The following ALMS1 variants were observed in gnomAD, a reference collection of about 807,000 sequenced individuals.
The protein encoded by ALMS1 is centrosome-associated protein ALMS1.
A neutral mutation model predicts 352.2 loss-of-function variants in ALMS1; 271 were observed. The ratio of observed to expected loss-of-function variants is 0.77; its 90% confidence interval spans 0.70 to 0.85. The LOEUF is 0.85. Among genes scored for constraint, ALMS1 ranks in the 40% least tolerant of loss-of-function variants. The pLI is 0.00. For missense variants in ALMS1, 5,445 were observed against 4,870.7 expected, an observed-to-expected ratio of 1.12 and a Z score of -3.51; for synonymous variants, 1,865 against 1,761.2, an observed-to-expected ratio of 1.06 and a Z score of -1.48.
chr2:73,398,942 C>G (rs1670817549), intron 1 of ALMS1, among the ~76,000 whole-genome samples: 1 of 152,154 alleles, frequency 6.6e-6, no homozygotes, highest in African/African-American at 2.4e-5. Flanking sequence ...CTCCCGGGTT[C>G]AAGCGATTCT....
chr2:73,403,973 C>G (rs1337105937), intron 1 of ALMS1, among the ~76,000 whole-genome samples: 2 of 152,180 alleles, frequency 1.3e-5, no homozygotes, highest in Non-Finnish European at 2.9e-5. Context: ...GATCCCTGCT[C>G]ACTGCAACCT....
chr2:73,520,899 G>A (rs1673661496), intron 11 of ALMS1, among the ~76,000 whole-genome samples: 1 of 152,144 alleles, frequency 6.6e-6, no homozygotes, highest in Non-Finnish European at 1.5e-5. Flanking sequence ...TTCCCCAAAT[G>A]AAGATGGAGA....
chr2:73,448,734 C>T lies in ALMS1; in HGVS notation c.2207C>T (p.Thr736Ile). The T allele has an allele frequency of 6.2e-7, 1 of 1,605,484 alleles. No homozygotes were observed. The highest frequency in any genetic ancestry group is 8.5e-7 in the Non-Finnish European group (1 of 1,174,282). Residue 736 changes from threonine (T) to isoleucine (I), a missense_variant, in exon 8 of 23, where the codon ACT becomes ATT. By Grantham distance (89) the Thr-to-Ile change is moderately conservative. Transcript: ENST00000613296. ...CAAGAGTTCGCAGACAGTCATCAAA[C>T]TGAAGAGACTCTTACTAAAGTTTCA... is the stretch of plus-strand genomic sequence containing the variant. The part of the protein sequence containing the change: ...YQQEFADSHQ[T>I]EETLTKVSAT...
chr2:73,426,803 G>T (rs1671388420), intron 6 of ALMS1, among the ~76,000 whole-genome samples: 1 of 152,294 alleles, frequency 6.6e-6, no homozygotes. Flanking sequence ...ATTTTGAAAA[G>T]CCTGTAAGTT....
intron 12 of ALMS1, among the ~76,000 whole-genome samples, chr2:73,537,290 C>T (rs1347622885): frequency 1.3e-5 from 2 of 152,170 alleles, no homozygotes; most frequent in African/African-American, 2.4e-5. Context: ...CTTTGAAAGG[C>T]GCTGACATAT....
At chr2:73,398,496 T>C (rs1462393322) in intron 1 of ALMS1, among the ~76,000 whole-genome samples, 1 of 152,174 alleles carries the variant, frequency 6.6e-6, no homozygotes, top group Non-Finnish European at 1.5e-5. Context: ...TGCTGGGATT[T>C]TGATTGGGAT....
At chr2:73,411,650 ACTTC>A (rs1431637054) in intron 2 of ALMS1, among the ~76,000 whole-genome samples, 1 of 152,040 alleles carries the variant, frequency 6.6e-6, no homozygotes, top group Non-Finnish European at 1.5e-5. Flanking sequence ...TTTCTAGTTC[ACTTC>A]CTTCTTATTC....
At chr2:73,441,968 C>T (rs2103757942) in intron 7 of ALMS1, among the ~76,000 whole-genome samples, 1 of 152,200 alleles carries the variant, frequency 6.6e-6, no homozygotes, top group Admixed American at 6.5e-5. Flanking sequence ...ATTGAATAAA[C>T]TCAGGGATCT....
At chr2:73,410,069 CA>C (rs1558633883) in intron 2 of ALMS1, among the ~76,000 whole-genome samples, 1 of 152,118 alleles carries the variant, frequency 6.6e-6, no homozygotes, top group Non-Finnish European at 1.5e-5. Context: ...ACTTAGTTTC[CA>C]GATTCAAATG....
chr2:73,602,968 G>C (rs191401101), intron 20 of ALMS1, among the ~76,000 whole-genome samples: 21 of 152,280 alleles, frequency 1.4e-4, no homozygotes, highest in Non-Finnish European at 2.5e-4. Context: ...AAACTACAAA[G>C]CACTACCTAA....
intron 7 of ALMS1, among the ~76,000 whole-genome samples, chr2:73,439,873 C>T (rs933691072): frequency 2.2e-4 from 33 of 152,124 alleles, no homozygotes; most frequent in Non-Finnish European, 1.6e-4. Flanking sequence ...TCTATTATGC[C>T]TTAAGTCTGC....
intron 1 of ALMS1, among the ~76,000 whole-genome samples, chr2:73,387,616 CTTTGTGTGCTATGCCAAGGA>C (rs999335958): frequency 1.2e-4 from 18 of 152,178 alleles, no homozygotes; most frequent in African/African-American, 4.3e-4. Flanking sequence ...GACTGCAAGG[CTTTGTGTGCTATGCCAAGGA>C]TTTAGGGGCT....
At chr2:73,430,377 G>C (rs887136792) in intron 6 of ALMS1, among the ~76,000 whole-genome samples, 2 of 152,060 alleles carry the variant, frequency 1.3e-5, no homozygotes, top group Non-Finnish European at 2.9e-5. Context: ...TGCCTGGCCG[G>C]TATTACCTAC....
chr2:73,405,220 T>C (rs989124317), intron 1 of ALMS1, among the ~76,000 whole-genome samples: 1 of 152,102 alleles, frequency 6.6e-6, no homozygotes, highest in Admixed American at 6.6e-5. Flanking sequence ...GGCCATGGGC[T>C]TTTCTTTTGT....
intron 7 of ALMS1, among the ~76,000 whole-genome samples, chr2:73,440,123 G>A (rs1248147166): frequency 1.3e-5 from 2 of 152,062 alleles, no homozygotes; most frequent in African/African-American, 2.4e-5. Flanking sequence ...TGGGATTACA[G>A]GTGTGTGCCA....
rs1281975555 is a variant in ALMS1 at position 73,453,818 on chromosome 2, A to G, written c.7291A>G (p.Asn2431Asp). The change falls in exon 8 of 23, where the codon AAT becomes GAT. Residue 2431 changes from asparagine to aspartate, a missense_variant. Asn to Asp is a conservative substitution (Grantham distance 23). Transcript: ENST00000613296. ...AAATGGTTCCTGCTCGTGGGACAGT[A>G]ATTTACCAGAGTCTTTGGAATCAGT... ...DGNGSCSWDS[N>D]LPESLESVSD... 3 of 1,614,006 alleles carry G rather than the reference A, an allele frequency of 1.9e-6. No individual in the cohort carries two copies. The highest frequency in any genetic ancestry group is 2.5e-6 in the Non-Finnish European group (3 of 1,180,018).
chr2:73,428,841 T>C (rs937900288), intron 6 of ALMS1, among the ~76,000 whole-genome samples: 1 of 151,930 alleles, frequency 6.6e-6, no homozygotes, highest in Admixed American at 6.5e-5. Context: ...AGGGGCTTGC[T>C]TACTCCTTGG....
intron 20 of ALMS1, among the ~76,000 whole-genome samples, chr2:73,602,728 A>C (rs1183048725): frequency 2.0e-5 from 3 of 152,226 alleles, no homozygotes; most frequent in Non-Finnish European, 4.4e-5. Context: ...CATAGTCCTT[A>C]CATCTTGCCC....
chr2:73,462,048 A>AG (rs1204062878), intron 9 of ALMS1, among the ~76,000 whole-genome samples: 1 of 151,984 alleles, frequency 6.6e-6, no homozygotes, highest in African/African-American at 2.4e-5. Flanking sequence ...ATTATCCGGG[A>AG]GAACTTCCCC....
Sources: gnomAD v4.1 joint callset for allele counts (sites outside exome capture counted in the v4.1 genomes callset) on GRCh38, gnomAD v4.1.1 for gene constraint, MANE v1.5 for transcripts, NCBI Gene and HGNC (gene_info 2026-07-23, HGNC 2026-07-21) for gene names.